PCDHA5: variants seen among roughly 807,000 people sequenced by gnomAD.
The protein encoded by PCDHA5 is protocadherin alpha 5.
A neutral mutation model predicts 61.6 loss-of-function variants in PCDHA5; 43 were observed. That is an observed-to-expected ratio of 0.70 (90% confidence interval 0.55 to 0.90). The LOEUF (loss-of-function observed/expected upper bound fraction) is 0.90, where lower values mean the gene tolerates loss of function less well. PCDHA5 is among the 40% of genes least tolerant of loss of function. The pLI is 0.00. For synonymous variants in PCDHA5, 627 were observed against 543.9 expected (o/e 1.15, Z -2.13); for missense variants, 1,298 against 1,222.7 (o/e 1.06, Z -0.92).
chr5:140,881,376 C>T (rs1487314933), intron 1 of PCDHA5: 2 of 984,636 alleles, frequency 2.0e-6, no homozygotes, highest in South Asian at 4.7e-5. Context: ...GAATTGCAGC[C>T]GGCGGCGGTA....
intron 3 of PCDHA5, among the ~76,000 whole-genome samples, chr5:140,990,557 A>G (rs782726055): frequency 2.0e-5 from 3 of 152,166 alleles, no homozygotes; most frequent in Non-Finnish European, 4.4e-5. Flanking sequence ...TTACCCAAGA[A>G]CACACACCTG....
At chr5:140,832,006 T>C (rs192666961) in intron 1 of PCDHA5, among the ~76,000 whole-genome samples, 8 of 152,338 alleles carry the variant, frequency 5.3e-5, no homozygotes, top group Non-Finnish European at 1.0e-4. Context: ...ATTGTTTTCA[T>C]TTTACGTAAA....
chr5:140,851,897 C>T (rs1308914587), intron 1 of PCDHA5: 1 of 973,518 alleles, frequency 1.0e-6, no homozygotes, highest in African/African-American at 1.8e-5. Context: ...TGAGATTTGC[C>T]TCTTTAATGT....
intron 1 of PCDHA5, chr5:140,825,415 AAT>A (rs2150139433): frequency 1.7e-4 from 25 of 146,774 alleles, no homozygotes; most frequent in African/African-American, 4.7e-4. Flanking sequence ...TATTTTATAT[AAT>A]ATATATAATA....
intron 1 of PCDHA5, chr5:140,882,287 G>A (rs1289206552): frequency 3.1e-6 from 5 of 1,613,126 alleles, no homozygotes; most frequent in African/African-American, 1.3e-5. Context: ...TTCCTGGCAA[G>A]GAGGCCCAAG....
intron 1 of PCDHA5, chr5:140,868,015 G>A (rs1161077691): frequency 6.6e-6 from 1 of 152,028 alleles, no homozygotes; most frequent in African/African-American, 2.4e-5. Flanking sequence ...TTAGATTAAG[G>A]AAACCAATGT....
intron 1 of PCDHA5, among the ~76,000 whole-genome samples, chr5:140,964,685 A>G (rs1209867922): frequency 1.3e-5 from 2 of 152,036 alleles, no homozygotes; most frequent in African/African-American, 4.8e-5. Context: ...CAATTTGTGC[A>G]CTTGAGAGAT....
chr5:140,909,437 C>T (rs2074495257), intron 1 of PCDHA5, among the ~76,000 whole-genome samples: 1 of 152,198 alleles, frequency 6.6e-6, no homozygotes, highest in African/African-American at 2.4e-5. Flanking sequence ...TGATAATCCA[C>T]TGTCATTCTC....
Position 140,823,821 on chromosome 5 carries a change from G to C in PCDHA5, c.2046G>C (p.Ser682=). The change falls in exon 1 of 4, where the codon TCG becomes TCC. Residue 682 remains serine (S), a synonymous_variant. Transcript: ENST00000529859. ...CGCCGAAGGCCTCATCGCGGGCGTCGGCGGGCGCTGTGGGTCCCGAGGCTG... is the reference window on the plus strand; with the variant it reads ...CGCCGAAGGCCTCATCGCGGGCGTCCGCGGGCGCTGTGGGTCCCGAGGCTG... ...GQAPKASSRA[S]AGAVGPEAAL... The C allele has an allele frequency of 1.2e-6, 2 of 1,613,800 alleles. No homozygotes were observed. The highest frequency in any genetic ancestry group is 8.5e-7 in the Non-Finnish European group (1 of 1,179,902).
chr5:140,989,939 C>T (rs533490284), intron 3 of PCDHA5, among the ~76,000 whole-genome samples: 2 of 152,004 alleles, frequency 1.3e-5, no homozygotes, highest in South Asian at 2.1e-4. Flanking sequence ...TGACATTCCA[C>T]GTTTTTCTCG....
chr5:140,967,935 A>C (rs186453952), intron 1 of PCDHA5: 1 of 1,614,214 alleles, frequency 6.2e-7, no homozygotes, highest in Admixed American at 1.7e-5. Context: ...CTCAGTGTCA[A>C]TGACCAAGAC....
chr5:140,850,287 G>A lies in PCDHA5; in HGVS notation c.2352+26160G>A. On this transcript the variant is annotated intron_variant, in intron 1 of 3. Transcript: ENST00000529859. ...AGTGGTGGGGAAGGTGCGCGCAGTG[G>A]ACGCCGACTCGGGCTACAACGCGTG... 2.5e-6 allele frequency: 4 copies of A among 1,595,954 alleles called. 1 individual carries two copies. Among genetic ancestry groups the A allele is most frequent in the Non-Finnish European group, 3.4e-6 (4 of 1,167,630 alleles).
chr5:140,906,021 A>G (rs1422492231), intron 1 of PCDHA5, among the ~76,000 whole-genome samples: 1 of 152,182 alleles, frequency 6.6e-6, no homozygotes, highest in African/African-American at 2.4e-5. Context: ...TAATCTCTCC[A>G]CGTTCTTCTG....
At chr5:140,849,283 A>G (rs1554142852) in intron 1 of PCDHA5, 1 of 1,191,538 alleles carries the variant, frequency 8.4e-7, no homozygotes, top group Admixed American at 2.6e-5. Context: ...CTGGTGATTC[A>G]CCCCAATGCC....
At chr5:141,007,869 T>C (rs2098349373) in intron 3 of PCDHA5, among the ~76,000 whole-genome samples, 1 of 152,262 alleles carries the variant, frequency 6.6e-6, no homozygotes, top group African/African-American at 2.4e-5. Flanking sequence ...TCTTTTCCTT[T>C]GTCTTACACT....
In PCDHA5 at chr5:140,941,191, T is replaced by C. The variant is rs184104978; in HGVS notation, c.2353-37758T>C. Among the ~76,000 whole-genome samples the C allele has an allele frequency of 2.1e-3, 199 of 93,252 alleles. 3 individuals are homozygous for C. Among genetic ancestry groups the C allele is most frequent in the South Asian group, 0.011 (39 of 3,542 alleles). The allele number at this position is 93,252 out of a possible 152,430, so 61.2% of individuals were successfully genotyped here. A position where few individuals can be genotyped will look rare whatever the true frequency, so the allele number is the denominator to read the frequency against. On this transcript the variant is annotated intron_variant, in intron 1 of 3. Transcript: ENST00000529859. ...CATCTTGAACATCCTGCTTCTTTTT[T>C]TTTCTTTCTTCCTTTCTTTCTTCCT...
rs146522449 is a variant in PCDHA5, at chr5:140,877,816, G to A, written c.2352+53689G>A. ...CCCAAGCCTTCAGCTGTCTCGAGAA[G>A]ATTGTTTAAATCCTCCCAGTGAAGT... On this transcript the variant is annotated intron_variant, in intron 1 of 3. Coordinates refer to ENST00000529859, the MANE Select transcript of PCDHA5 (RefSeq NM_018908.3). The A allele has an allele frequency of 2.8e-3, 4,449 of 1,609,310 alleles. 21 individuals carry two copies. Among genetic ancestry groups the A allele is most frequent in the African/African-American group, 0.01 (772 of 74,842 alleles).
rs199520871 is a variant in PCDHA5 at position 140,848,784 on chromosome 5, G to C, written c.2352+24657G>C. 5.5e-5 allele frequency: 88 copies of C among 1,593,310 alleles called. 12 individuals are homozygous for C. Among genetic ancestry groups the C allele is most frequent in the Non-Finnish European group, 6.9e-5 (80 of 1,164,078 alleles). On this transcript the variant is annotated intron_variant, in intron 1 of 3. Coordinates refer to ENST00000529859, the MANE Select transcript of PCDHA5 (RefSeq NM_018908.3). ...TCGGATCGACCGCGAGGAGCTGTGC[G>C]GGCGGAGCGCGGAGTGCAGCATCCA...
intron 1 of PCDHA5, chr5:140,927,776 T>C (rs781966197): frequency 7.4e-6 from 12 of 1,614,140 alleles, no homozygotes; most frequent in South Asian, 1.1e-5. Flanking sequence ...GAGGTGCAAG[T>C]AGCTGCTTCA....
Sources: gnomAD v4.1 joint callset for allele counts (sites outside exome capture counted in the v4.1 genomes callset) on GRCh38, gnomAD v4.1.1 for gene constraint, MANE v1.5 for transcripts, NCBI Gene and HGNC (gene_info 2026-07-23, HGNC 2026-07-21) for gene names.